The following SOCS7 variants were observed in gnomAD, a reference collection of about 807,000 sequenced individuals.
SOCS7 encodes the protein NAP-4.
SOCS7 carries 18 observed loss-of-function variants against 58.9 expected under a neutral mutation model. The ratio of observed to expected loss-of-function variants is 0.31; its 90% CI spans 0.21 to 0.45. SOCS7 has a LOEUF of 0.45. Among genes scored for constraint, SOCS7 ranks in the 20% least tolerant of loss-of-function variants. The probability of loss-of-function intolerance (pLI) is 1.00; values close to 1 mark genes in which losing one functional copy is unlikely to be tolerated. For missense variants in SOCS7, 667 were observed against 837.3 expected (o/e 0.80, Z 2.51); for synonymous variants, 388 against 364.3 (o/e 1.06, Z -0.74).
chr17:38,391,943 T>G (rs1159584876), intron 7 of SOCS7, among the ~76,000 whole-genome samples: 1 of 152,196 alleles, frequency 6.6e-6, no homozygotes, highest in Non-Finnish European at 1.5e-5. Flanking sequence ...CCTAACATGG[T>G]CTTTGTTGGG....
intron 9 of SOCS7, 33 bp downstream of exon 9, chr17:38,396,031 T>A: frequency 6.6e-7 from 1 of 1,526,454 alleles, no homozygotes; most frequent in Non-Finnish European, 8.7e-7. Flanking sequence ...CCCAGCCACA[T>A]TTCTTCCTGG....
chr17:38,357,109 A>G (rs1346380085), intron 1 of SOCS7, among the ~76,000 whole-genome samples: 1 of 152,186 alleles, frequency 6.6e-6, no homozygotes, highest in Admixed American at 6.5e-5. Context: ...GGGGAAAAAA[A>G]CAAAATATAG....
rs557571757 is a variant in SOCS7, at chr17:38,401,352, G to A, written c.*1870G>A. On this transcript the variant is annotated 3_prime_UTR_variant, in exon 10 of 10. Coordinates refer to ENST00000612932, the MANE Select transcript of SOCS7 (RefSeq NM_014598.4). ...TGAGTGTTGCCTCGTGAGAGTACAA[G>A]TAATATAACTCGCCATCTTGCAGGA... The A allele has an allele frequency of 1.3e-5, 2 of 152,278 alleles. No individual in the cohort carries two copies. The highest frequency in any genetic ancestry group is 1.9e-4 in the East Asian group (1 of 5,182). The allele number at this position is 152,278 out of a possible 1,614,324, so 9.4% of individuals were successfully genotyped here.
chr17:38,384,589 C>T (rs2038043552), intron 7 of SOCS7, among the ~76,000 whole-genome samples: 1 of 151,692 alleles, frequency 6.6e-6, no homozygotes, highest in Non-Finnish European at 1.5e-5. Context: ...CCACCATGCC[C>T]AGCTTCTTTT....
At chr17:38,377,923 A>G in intron 7 of SOCS7, 81 bp downstream of exon 7, 1 of 1,405,556 alleles carries the variant, frequency 7.1e-7, no homozygotes, top group Non-Finnish European at 9.8e-7. Context: ...TCCCCACAAA[A>G]GGCCATGGTT....
At position 38,352,513 on chromosome 17, in the gene SOCS7, C is replaced by T. The variant is rs760910480; in HGVS notation, c.461C>T (p.Pro154Leu). The T allele has an allele frequency of 1.3e-6, 2 of 1,545,112 alleles. No individual in the cohort carries two copies. The highest frequency in any genetic ancestry group is 2.4e-5 in the East Asian group (1 of 40,822). ...CCGTGTCCGTGTCCTCCTCAGCCGCCCCCTCCGCAGCCCCAGCCGCCTGCT... is the reference window on the plus strand; with the variant it reads ...CCGTGTCCGTGTCCTCCTCAGCCGCTCCCTCCGCAGCCCCAGCCGCCTGCT... ...CCPCPCPPQP[P>L]PPQPQPPAAA... is the part of the protein sequence containing the mutation. Residue 154 changes from proline (P) to leucine (L), a missense_variant, in exon 1 of 10, where the codon CCC (proline) becomes CTC (leucine). Around this residue, in one of 9 missense-constraint regions of SOCS7, gnomAD observed 154 missense variants for 156.3 expected, o/e 0.98. Transcript: ENST00000612932. This position sits in a 1 kb window ranked among gnomAD's most constrained non-coding sequence, Gnocchi z 5.5.
chr17:38,370,273 C>G (rs2144344619), intron 6 of SOCS7, among the ~76,000 whole-genome samples: 1 of 151,316 alleles, frequency 6.6e-6, no homozygotes, highest in East Asian at 2.0e-4. Context: ...GCTGGGATGA[C>G]ACGCGTGAGC....
At chr17:38,398,157 A>C (rs573120959) in intron 9 of SOCS7, among the ~76,000 whole-genome samples, 39 of 151,860 alleles carry the variant, frequency 2.6e-4, no homozygotes, top group Admixed American at 1.1e-3. Context: ...TGTGACAAAG[A>C]GTAAGCGTAA....
intron 6 of SOCS7, among the ~76,000 whole-genome samples, chr17:38,368,399 CTTTG>C (rs1490755125): frequency 6.6e-6 from 1 of 152,080 alleles, no homozygotes; most frequent in African/African-American, 2.4e-5. Context: ...TTCTCACAAG[CTTTG>C]TTTGTAGTTA....
At chr17:38,397,120 A>G (rs778048892) in intron 9 of SOCS7, among the ~76,000 whole-genome samples, 10 of 152,212 alleles carry the variant, frequency 6.6e-5, no homozygotes, top group Non-Finnish European at 1.5e-4. Flanking sequence ...GGCATTGGAG[A>G]GCTCAAACTT....
intron 1 of SOCS7, among the ~76,000 whole-genome samples, chr17:38,359,801 G>A (rs919648795): frequency 6.6e-6 from 1 of 151,006 alleles, no homozygotes; most frequent in Non-Finnish European, 1.5e-5. Flanking sequence ...TTTTTTTTGA[G>A]ACAAGGTCTC....
At chr17:38,395,157 T>C in intron 7 of SOCS7, 152 bp from the exon 8 acceptor site, 1 of 665,148 alleles carries the variant, frequency 1.5e-6, no homozygotes, top group East Asian at 2.8e-5. Flanking sequence ...GAAATGGAAA[T>C]CAACAGCACT....
At chr17:38,360,835 G>A (rs1039150952) in intron 1 of SOCS7, among the ~76,000 whole-genome samples, 8 of 152,174 alleles carry the variant, frequency 5.3e-5, no homozygotes, top group Non-Finnish European at 8.8e-5. Flanking sequence ...CACCGCACCC[G>A]GCCAGCATAT....
chr17:38,359,736 C>T (rs2144318882), intron 1 of SOCS7, among the ~76,000 whole-genome samples: 1 of 149,260 alleles, frequency 6.7e-6, no homozygotes, highest in South Asian at 2.1e-4. Flanking sequence ...GTCTGTTTTA[C>T]TGTTATATAT....
At chr17:38,356,408 C>T (rs1234113136) in intron 1 of SOCS7, among the ~76,000 whole-genome samples, 2 of 150,638 alleles carry the variant, frequency 1.3e-5, no homozygotes, top group African/African-American at 2.4e-5. Flanking sequence ...GATGGAGTCT[C>T]ACTCTGTTGC....
intron 2 of SOCS7, among the ~76,000 whole-genome samples, chr17:38,363,979 T>A (rs969741004): frequency 2.6e-5 from 4 of 152,176 alleles, no homozygotes; most frequent in Admixed American, 2.6e-4. Context: ...GGAGAGGGAA[T>A]AGACAGAGTT....
intron 9 of SOCS7, among the ~76,000 whole-genome samples, chr17:38,399,248 A>G (rs998895802): frequency 2.0e-5 from 3 of 152,144 alleles, no homozygotes; most frequent in African/African-American, 7.2e-5. Flanking sequence ...AGGGAAAGAG[A>G]GAATTTATGC....
chr17:38,388,691 C>G (rs549234805), intron 7 of SOCS7, among the ~76,000 whole-genome samples: 1 of 152,320 alleles, frequency 6.6e-6, no homozygotes, highest in South Asian at 2.1e-4. Context: ...AACCACTAAT[C>G]TGTTTTCCGT....
chr17:38,397,801 G>A (rs1471807129), intron 9 of SOCS7, among the ~76,000 whole-genome samples: 4 of 152,326 alleles, frequency 2.6e-5, no homozygotes, highest in Admixed American at 2.6e-4. Context: ...CTAATTTCAG[G>A]TGACTGTACA....
Sources: gnomAD v4.1 joint callset for allele counts (sites outside exome capture counted in the v4.1 genomes callset) on GRCh38, gnomAD v4.1.1 for gene constraint, gnomAD v4.1.1 regional missense constraint, Gnocchi (gnomAD v3.1) non-coding constraint, MANE v1.5 for transcripts, NCBI Gene and HGNC (gene_info 2026-07-23, HGNC 2026-07-21) for gene names.